The following NLGN3 variants were observed in gnomAD, a reference collection of about 807,000 sequenced individuals.
NLGN3 encodes the protein neuroligin-3.
In NLGN3, 11 loss-of-function variants were observed where a neutral mutation model predicts 42.9. The ratio of observed to expected loss-of-function variants is 0.26; its 90% confidence interval spans 0.16 to 0.42. The LOEUF (loss-of-function observed/expected upper bound fraction) is 0.42, where lower values mean the gene tolerates loss of function less well. Among genes scored for constraint, NLGN3 ranks in the 10% least tolerant of loss-of-function variants. NLGN3 has a pLI of 1.00. For synonymous variants in NLGN3, 279 were observed against 312.7 expected, an observed-to-expected ratio of 0.89 and a Z score of 1.14; for missense variants, 374 against 733.8, an observed-to-expected ratio of 0.51 and a Z score of 5.67.
At chrX:71,164,864 T>C (rs1482492744) in intron 6 of NLGN3, among the ~76,000 whole-genome samples, 1 of 110,770 alleles carries the variant, frequency 9.0e-6, no homozygotes, top group Non-Finnish European at 1.9e-5. Flanking sequence ...ACTCCAGACC[T>C]CTCCCCGACT....
At chrX:71,154,197 C>G (rs966835428) in intron 4 of NLGN3, among the ~76,000 whole-genome samples, 1 of 113,268 alleles carries the variant, frequency 8.8e-6, no homozygotes, top group African/African-American at 3.2e-5. Flanking sequence ...AATGATCGGA[C>G]CAGCCTTCCT....
intron 5 of NLGN3, 94 bp downstream of exon 5, chrX:71,155,457 C>A: frequency 1.9e-6 from 2 of 1,067,879 alleles, no homozygotes; most frequent in Non-Finnish European, 2.6e-6. Context: ...AGCCTTGCTT[C>A]TCTAGCTGGT....
chrX:71,146,155 A>ACC (rs2092367799), intron 1 of NLGN3, among the ~76,000 whole-genome samples: 1 of 23,545 alleles, frequency 4.2e-5, no homozygotes, highest in African/African-American at 1.9e-4. Context: ...TCTCTCTCTC[A>ACC]CACACACACA....
chrX:71,150,249 C>A (rs1296390115), intron 3 of NLGN3, among the ~76,000 whole-genome samples: 3 of 111,820 alleles, frequency 2.7e-5, no homozygotes, highest in African/African-American at 9.8e-5. Flanking sequence ...CTGGGAAGCA[C>A]AAGGCCTGAG....
Position 71,147,770 on chromosome X carries a change from G to C in NLGN3, c.21G>C (p.Pro7=). The C allele has an allele frequency of 8.3e-7, 1 of 1,207,245 alleles. No individual in the cohort carries two copies. The highest frequency in any genetic ancestry group is 1.7e-5 in the African/African-American group (1 of 57,622). The change falls in exon 2 of 8, where the codon CCG becomes CCC. Residue 7 remains proline, a synonymous_variant. Coordinates refer to ENST00000358741, the MANE Select transcript of NLGN3 (RefSeq NM_181303.2). ...GGAACATGTGGCTGCGGCTTGGCCC[G>C]CCCTCGCTGTCCCTGAGCCCCAAGC... MWLRLG[P]PSLSLSPKPT... is the part of the protein sequence containing the mutation.
chrX:71,147,957 C>T lies in NLGN3; in HGVS notation c.208C>T (p.Leu70=), dbSNP rs1181667526. Residue 70 remains leucine (L), a synonymous_variant, in exon 2 of 8, where the codon CTG becomes TTG. Transcript: ENST00000358741. ...SEILGPVDQY[L]GVPYAAPPIG... ...GATCCTGGGGCCTGTGGACCAATAC[C>T]TGGGGGTGCCCTACGCAGCTCCCCC... 3.3e-6 allele frequency: 4 copies of T among 1,207,213 alleles called. No individual in the cohort carries two copies. Among genetic ancestry groups the T allele is most frequent in the South Asian group, 1.8e-5 (1 of 56,503 alleles).
At position 71,155,087 on chromosome X, in the gene NLGN3, C is replaced by T. The variant is rs2092403861; in HGVS notation, c.578-127C>T. 4.5e-5 allele frequency: 34 copies of T among 750,475 alleles called. No individual in the cohort carries two copies. In the South Asian group the frequency reaches 7.2e-4, roughly 16 times the overall value. 61.8% of individuals were successfully genotyped at this position (750,475 alleles called of 1,213,427 possible). The stretch of plus-strand genomic sequence containing the variant: ...GTTGAGCAACCCCATGAGTCCTGCC[C>T]TCAGGGATGGCGGTGGTGTCCTGGC... On this transcript the variant is annotated intron_variant, in intron 4 of 7. Transcript: ENST00000358741.
chrX:71,156,864 T>C (rs924837183), intron 5 of NLGN3, among the ~76,000 whole-genome samples: 1 of 111,833 alleles, frequency 8.9e-6, no homozygotes, highest in African/African-American at 3.3e-5. Context: ...TTCTCTGCTG[T>C]GCACAAGCTT....
At chrX:71,172,075 T>C (rs1384206958), downstream of NLGN3, among the ~76,000 whole-genome samples, 1 of 111,432 alleles carries the variant, frequency 9.0e-6, no homozygotes, top group Non-Finnish European at 1.9e-5. Flanking sequence ...AACCTAGAAC[T>C]AATACACTAA....
Position 71,170,123 on chromosome X carries a change from C to G in NLGN3, c.*26C>G. The G allele has an allele frequency of 8.3e-7, 1 of 1,207,060 alleles. No homozygotes were observed. The highest frequency in any genetic ancestry group is 1.8e-5 in the South Asian group (1 of 56,739). ...CTCCAACTCAGAGCACAGCCAATCT[C>G]CAGGCTCCCTCCCTCCCAGATCCAG... On this transcript the variant is annotated 3_prime_UTR_variant, in exon 8 of 8. Transcript: ENST00000358741.
chrX:71,171,257 C>T (rs780153151), downstream of NLGN3: 1,603 of 728,580 alleles, frequency 2.2e-3, 22 homozygotes, highest in African/African-American at 0.034. Context: ...GGTGCCTCTG[C>T]GGGCTGGGAA....
intron 5 of NLGN3, among the ~76,000 whole-genome samples, chrX:71,156,217 C>T (rs1345408775): frequency 2.8e-5 from 3 of 108,918 alleles, no homozygotes; most frequent in Non-Finnish European, 5.7e-5. Flanking sequence ...TTCCTTCCAC[C>T]CACCCCCCAC....
intron 5 of NLGN3, among the ~76,000 whole-genome samples, chrX:71,157,534 G>C (rs1834104136): frequency 9.1e-6 from 1 of 110,101 alleles, no homozygotes; most frequent in African/African-American, 3.3e-5. Flanking sequence ...ATGTTGGCCA[G>C]GCTGGTCTCG....
chrX:71,169,291 A>G lies in NLGN3; in HGVS notation c.1741A>G (p.Ile581Val), dbSNP rs1188352776. The change falls in exon 8 of 8, where the codon ATT (isoleucine) becomes GTT (valine). Residue 581 changes from isoleucine to valine, a missense_variant. By Grantham distance (29) the Ile-to-Val change is conservative. Transcript: ENST00000358741. ...GCCGGTCCCCCAGGACACCAAGTTC[A>G]TTCACACCAAGGCCAACCGCTTTGA... is the stretch of plus-strand genomic sequence containing the variant. ...NKPVPQDTKF[I>V]HTKANRFEEV... 1 of 1,211,024 alleles carries G rather than the reference A, an allele frequency of 8.3e-7. No individual in the cohort carries two copies. The highest frequency in any genetic ancestry group is 1.8e-5 in the South Asian group (1 of 56,766).
chrX:71,170,594 C>T lies in NLGN3; in HGVS notation c.*497C>T. On this transcript the variant is annotated 3_prime_UTR_variant, in exon 8 of 8. Coordinates refer to ENST00000358741, the MANE Select transcript of NLGN3 (RefSeq NM_181303.2). ...TGATTTTTCTTTTTTAATTTTGGAA[C>T]AAATGCTTTTCCAACCCATGAGTGC... The T allele has an allele frequency of 1.3e-6, 1 of 791,160 alleles. No individual in the cohort carries two copies. The highest frequency in any genetic ancestry group is 1.5e-6 in the Non-Finnish European group (1 of 662,232). 65.2% of individuals were successfully genotyped at this position (791,160 alleles called of 1,213,427 possible).
At chrX:71,172,576 G>C (rs2092472852), downstream of NLGN3, among the ~76,000 whole-genome samples, 1 of 110,674 alleles carries the variant, frequency 9.0e-6, no homozygotes, top group East Asian at 2.8e-4. Context: ...AGAGGGTCTG[G>C]AGAAGAGCAT....
rs1267896769 is a variant in NLGN3 at position 71,148,284 on chromosome X, G to A, written c.457+78G>A. On this transcript the variant is annotated intron_variant, in intron 2 of 7. Coordinates refer to ENST00000358741, the MANE Select transcript of NLGN3 (RefSeq NM_181303.2). The stretch of plus-strand genomic sequence containing the variant: ...GTGTTTGTGGCTTGCATGTGGTTGT[G>A]TGCCCTGCAGCATGCATCTGTCTGT... 6.2e-6 allele frequency: 5 copies of A among 809,544 alleles called. No individual in the cohort carries two copies. In the Admixed American group the frequency reaches 9.0e-5, roughly 15 times the overall value. 66.7% of individuals were successfully genotyped at this position (809,544 alleles called of 1,213,427 possible). A position where few individuals can be genotyped will look rare whatever the true frequency, so the allele number is the denominator to read the frequency against.
In NLGN3 at chrX:71,146,124, TTCTCTCTCTCTC is replaced by T. The variant is rs751338166; in HGVS notation, c.-201+1179_-201+1190del. Among the ~76,000 whole-genome samples, 20 of 49,088 alleles carry T rather than the reference TTCTCTCTCTCTC, an allele frequency of 4.1e-4. 1 individual carries two copies. Among genetic ancestry groups the T allele is most frequent in the Middle Eastern group, 0.012 (1 of 86 alleles). 42.6% of individuals were successfully genotyped at this position (49,088 alleles called of 115,157 possible). A position where few individuals can be genotyped will look rare whatever the true frequency, so the allele number is the denominator to read the frequency against. On this transcript the variant is annotated intron_variant, in intron 1 of 7. Transcript: ENST00000358741. Reference sequence around the variant, plus strand: ...CCGCCCTCCCTCCTCTTCCTTTTTCTTCTCTCTCTCTCTCTCTCTCTCTCTCTCTCACACACA... The same window carrying T: ...CCGCCCTCCCTCCTCTTCCTTTTTCTTCTCTCTCTCTCTCTCTCACACACA...
At chrX:71,174,619 G>A (rs764085021), downstream of NLGN3, among the ~76,000 whole-genome samples, 1 of 111,646 alleles carries the variant, frequency 9.0e-6, no homozygotes, top group Non-Finnish European at 1.9e-5. Context: ...AGGTAGAGGA[G>A]GGAAAAGTTA....
Sources: gnomAD v4.1 joint callset for allele counts (sites outside exome capture counted in the v4.1 genomes callset) on GRCh38, gnomAD v4.1.1 for gene constraint, MANE v1.5 for transcripts, NCBI Gene and HGNC (gene_info 2026-07-23, HGNC 2026-07-21) for gene names.